The following PLPPR5 variants were observed in gnomAD, a reference collection of about 807,000 sequenced individuals.
PLPPR5 encodes phospholipid phosphatase related 5.
Under a neutral mutation model 33.9 loss-of-function variants are expected in PLPPR5, and 16 were observed. That is an observed-to-expected ratio of 0.47 (90% CI 0.32 to 0.72). The LOEUF (loss-of-function observed/expected upper bound fraction) is 0.72. Among genes scored for constraint, PLPPR5 ranks in the 30% least tolerant of loss-of-function variants. The pLI is 0.03. For synonymous variants in PLPPR5, 163 were observed against 150.3 expected (o/e 1.08, Z -0.62); for missense variants, 301 against 406.7 (o/e 0.74, Z 2.23).
chr1:98,973,486 A>C (rs142209316), intron 1 of PLPPR5, among the ~76,000 whole-genome samples: 42 of 152,126 alleles, frequency 2.8e-4, no homozygotes, highest in Non-Finnish European at 4.6e-4. Flanking sequence ...AAGCAAAGCT[A>C]AACAGAGTGG....
chr1:98,958,350 A>T (rs1043969339), intron 1 of PLPPR5, among the ~76,000 whole-genome samples: 2 of 152,096 alleles, frequency 1.3e-5, no homozygotes, highest in African/African-American at 4.8e-5. Context: ...AAAGATTATG[A>T]GATACCTCTT....
intron 1 of PLPPR5, among the ~76,000 whole-genome samples, chr1:98,978,042 A>T (rs1212320394): frequency 6.6e-6 from 1 of 152,016 alleles, no homozygotes; most frequent in Non-Finnish European, 1.5e-5. Context: ...AAAATCTTTT[A>T]CTTGCTCCAA....
At chr1:98,937,845 A>G (rs1367547165) in intron 3 of PLPPR5, among the ~76,000 whole-genome samples, 1 of 152,234 alleles carries the variant, frequency 6.6e-6, no homozygotes, top group Non-Finnish European at 1.5e-5. Flanking sequence ...AATAGTAAAC[A>G]GAACATTGAT....
intron 5 of PLPPR5, among the ~76,000 whole-genome samples, chr1:98,894,994 A>G (rs1461563402): frequency 6.6e-6 from 1 of 152,038 alleles, no homozygotes; most frequent in Non-Finnish European, 1.5e-5. Context: ...GACATGTGGA[A>G]GGGGGAAAAG....
chr1:98,963,785 G>A (rs1651333441), intron 1 of PLPPR5, among the ~76,000 whole-genome samples: 1 of 152,116 alleles, frequency 6.6e-6, no homozygotes, highest in African/African-American at 2.4e-5. Context: ...AAGGACCTCT[G>A]GACTCCTCTG....
At chr1:98,987,283 G>T (rs182954587) in intron 1 of PLPPR5, among the ~76,000 whole-genome samples, 280 of 151,896 alleles carry the variant, frequency 1.8e-3, no homozygotes, top group Non-Finnish European at 3.6e-3. Flanking sequence ...AGGCTTATTT[G>T]ATATGTTAAA....
chr1:98,944,821 G>C (rs1389732164), intron 3 of PLPPR5, among the ~76,000 whole-genome samples: 1 of 152,178 alleles, frequency 6.6e-6, no homozygotes, highest in Non-Finnish European at 1.5e-5. Context: ...GTCAGTGGTG[G>C]GAAAACATAG....
At chr1:99,005,315 C>G (rs894049991), upstream of PLPPR5, among the ~76,000 whole-genome samples, 1 of 152,084 alleles carries the variant, frequency 6.6e-6, no homozygotes, top group Non-Finnish European at 1.5e-5. Context: ...CGCAAAGTGC[C>G]GATGCGGCGC....
chr1:98,975,686 G>A (rs1022014708), intron 1 of PLPPR5, among the ~76,000 whole-genome samples: 7 of 151,950 alleles, frequency 4.6e-5, no homozygotes, highest in African/African-American at 1.7e-4. Context: ...GGTCGGCTGG[G>A]ACCCATACAC....
At chr1:98,933,536 G>A (rs1050614296) in intron 3 of PLPPR5, among the ~76,000 whole-genome samples, 1 of 151,002 alleles carries the variant, frequency 6.6e-6, no homozygotes, top group African/African-American at 2.4e-5. Context: ...TTATGAAACT[G>A]AGCTGTTCTG....
At chr1:98,994,792 C>G (rs529065939) in intron 1 of PLPPR5, among the ~76,000 whole-genome samples, 1 of 152,102 alleles carries the variant, frequency 6.6e-6, no homozygotes, top group East Asian at 1.9e-4. Flanking sequence ...AAGAATTTTT[C>G]ATTGATGAAA....
At chr1:98,902,403 T>C (rs910866368) in intron 5 of PLPPR5, among the ~76,000 whole-genome samples, 1 of 152,104 alleles carries the variant, frequency 6.6e-6, no homozygotes, top group Non-Finnish European at 1.5e-5. Flanking sequence ...ACCCCATAGA[T>C]ACTTCCTATT....
intron 4 of PLPPR5, among the ~76,000 whole-genome samples, chr1:98,920,888 T>A (rs144275248): frequency 3.3e-4 from 50 of 152,304 alleles, no homozygotes; most frequent in African/African-American, 1.2e-3. Flanking sequence ...CTACACATTG[T>A]TTCATTTGGG....
At chr1:98,918,061 T>C (rs184958863) in intron 4 of PLPPR5, among the ~76,000 whole-genome samples, 7 of 152,346 alleles carry the variant, frequency 4.6e-5, no homozygotes, top group Admixed American at 3.9e-4. Flanking sequence ...GAGTAAATCA[T>C]CACTGCATAT....
intron 1 of PLPPR5, 131 bp downstream of exon 1, chr1:99,004,304 G>T (rs1652981543): frequency 1.3e-6 from 1 of 768,362 alleles, no homozygotes; most frequent in Admixed American, 3.0e-5. Flanking sequence ...TCTGGGGAAG[G>T]GGCTGCCCAT....
At chr1:98,959,145 A>G (rs927331105) in intron 1 of PLPPR5, among the ~76,000 whole-genome samples, 5 of 152,164 alleles carry the variant, frequency 3.3e-5, no homozygotes, top group African/African-American at 1.2e-4. Flanking sequence ...CCTATGATGA[A>G]GGATCTATCC....
chr1:98,924,614 C>T (rs559966403), intron 3 of PLPPR5, among the ~76,000 whole-genome samples: 10 of 152,246 alleles, frequency 6.6e-5, no homozygotes, highest in Non-Finnish European at 1.2e-4. Flanking sequence ...TTTGCCTTTC[C>T]CTCACCCCCG....
intron 4 of PLPPR5, among the ~76,000 whole-genome samples, chr1:98,916,776 G>A (rs2101155055): frequency 6.6e-6 from 1 of 152,220 alleles, no homozygotes; most frequent in East Asian, 1.9e-4. Flanking sequence ...TAATTATTAG[G>A]AAAGAAATTA....
chr1:98,958,703 G>A (rs527283213), intron 1 of PLPPR5, among the ~76,000 whole-genome samples: 7 of 152,162 alleles, frequency 4.6e-5, no homozygotes, highest in Non-Finnish European at 8.8e-5. Context: ...TCTGAATAAC[G>A]TTTTTCTCAT....
Sources: allele counts gnomAD v4.1 joint callset (sites outside exome capture counted in the v4.1 genomes callset), GRCh38; gene constraint gnomAD v4.1.1; transcripts MANE v1.5; gene names NCBI Gene and HGNC (gene_info 2026-07-23, HGNC 2026-07-21).